Variants in OXR1 observed in about 807,000 individuals in gnomAD.
OXR1 encodes oxidation resistance 1, also known as oxidation resistance protein 1.
Under a neutral mutation model 104.6 loss-of-function variants are expected in OXR1, and 41 were observed. That is an observed-to-expected ratio of 0.39 (90% CI 0.31 to 0.51). OXR1 has a LOEUF of 0.51. Among genes scored for constraint, OXR1 ranks in the 20% least tolerant of loss-of-function variants. The probability of loss-of-function intolerance (pLI) is 0.77; values close to 1 mark genes in which losing one functional copy is unlikely to be tolerated. For synonymous variants in OXR1, 348 were observed against 348.4 expected, an observed-to-expected ratio of 1.00 and a Z score of 0.01; for missense variants, 955 against 1,031.9, an observed-to-expected ratio of 0.93 and a Z score of 1.02.
chr8:106,278,959 A>G lies in OXR1; in HGVS notation c.-139+8592A>G, dbSNP rs974307205. On this transcript the variant is annotated intron_variant, in intron 1 of 16. Coordinates refer to ENST00000517566, the MANE Select transcript of OXR1 (RefSeq NM_001198533.2). ...TTGGTTTTTCCATATGTAGTTTCCAACATGGGAGGTGGGGGAGATACTTTA... is the reference window on the plus strand; with the variant it reads ...TTGGTTTTTCCATATGTAGTTTCCAGCATGGGAGGTGGGGGAGATACTTTA... Among the ~76,000 whole-genome samples, 5 of 152,150 alleles carry G rather than the reference A, an allele frequency of 3.3e-5. No homozygotes were observed. The South Asian group carries it at 8.3e-4, about 25-fold the overall frequency.
intron 2 of OXR1, among the ~76,000 whole-genome samples, chr8:106,424,205 C>T (rs1432368885): frequency 4.6e-5 from 7 of 151,812 alleles, no homozygotes; most frequent in Non-Finnish European, 8.8e-5. Context: ...CCCAAACTGC[C>T]GGGATTACAA....
chr8:106,494,111 A>T (rs1811270682), intron 2 of OXR1, among the ~76,000 whole-genome samples: 1 of 152,192 alleles, frequency 6.6e-6, no homozygotes, highest in African/African-American at 2.4e-5. Context: ...AGATGAGTCA[A>T]CCGAGGACAG....
At chr8:106,335,634 A>C (rs564325416) in intron 1 of OXR1, among the ~76,000 whole-genome samples, 1 of 152,266 alleles carries the variant, frequency 6.6e-6, no homozygotes, top group East Asian at 1.9e-4. Context: ...AAATAAAAAA[A>C]ATTTTGATTT....
intron 1 of OXR1, chr8:106,272,778 T>C (rs1012135195): frequency 1.3e-5 from 2 of 152,244 alleles, no homozygotes; most frequent in Non-Finnish European, 2.9e-5. Context: ...GCTGTCATTA[T>C]TGGCTTTTAT....
chr8:106,488,620 C>A (rs902990640), intron 2 of OXR1, among the ~76,000 whole-genome samples: 1 of 150,372 alleles, frequency 6.7e-6, no homozygotes, highest in African/African-American at 2.5e-5. Flanking sequence ...AGGAAGGGAT[C>A]CAGTTTCAGC....
At chr8:106,657,867 C>T (rs1477278629) in intron 3 of OXR1, 3 of 1,241,302 alleles carry the variant, frequency 2.4e-6, no homozygotes, top group African/African-American at 1.6e-5. Flanking sequence ...TCTTGTGAGG[C>T]GCGCGGAGCC....
intron 1 of OXR1, among the ~76,000 whole-genome samples, chr8:106,315,425 C>G (rs979087920): frequency 2.0e-5 from 3 of 152,026 alleles, no homozygotes; most frequent in African/African-American, 4.8e-5. Flanking sequence ...ATAAAATATC[C>G]TAGACCTTCT....
intron 2 of OXR1, among the ~76,000 whole-genome samples, chr8:106,481,556 G>A (rs758218857): frequency 1.3e-5 from 2 of 152,018 alleles, no homozygotes; most frequent in African/African-American, 2.4e-5. Context: ...AAAAGATGAA[G>A]CATCTTTAAG....
intron 1 of OXR1, among the ~76,000 whole-genome samples, chr8:106,286,245 A>C (rs770902319): frequency 6.6e-6 from 1 of 152,014 alleles, no homozygotes; most frequent in South Asian, 2.1e-4. Context: ...TAGTCAAAAC[A>C]AAACAAAAAG....
chr8:106,338,068 G>A (rs1815036580), intron 1 of OXR1, among the ~76,000 whole-genome samples: 1 of 152,068 alleles, frequency 6.6e-6, no homozygotes, highest in Admixed American at 6.6e-5. Context: ...AATTATAGGA[G>A]GCCATTGTTT....
intron 3 of OXR1, among the ~76,000 whole-genome samples, chr8:106,678,226 C>T (rs1310394216): frequency 1.3e-5 from 2 of 151,950 alleles, no homozygotes; most frequent in African/African-American, 4.8e-5. Context: ...ATTCACCCGA[C>T]AGCTGAGATG....
At chr8:106,392,422 G>A (rs1817620798) in intron 2 of OXR1, among the ~76,000 whole-genome samples, 1 of 152,146 alleles carries the variant, frequency 6.6e-6, no homozygotes. Context: ...TAAAATTTAA[G>A]TTAGGTTGGT....
chr8:106,684,219 A>C (rs991811203), intron 5 of OXR1, 27 bp from the exon 6 acceptor site: 1 of 1,142,960 alleles, frequency 8.7e-7, no homozygotes, highest in African/African-American at 1.5e-5. Context: ...ATTTTAACTA[A>C]ATCTTTGTGT....
At chr8:106,405,176 ATATATATATATATATATATATATATAGT>A (rs1282821239) in intron 2 of OXR1, among the ~76,000 whole-genome samples, 841 of 31,698 alleles carry the variant, frequency 0.027, 1 homozygote, top group Admixed American at 0.04. Context: ...ATATATATAT[ATATATATATATATATATATATATATAGT>A]GTGTGTGTGT....
intron 2 of OXR1, among the ~76,000 whole-genome samples, chr8:106,387,174 G>A (rs979693135): frequency 1.1e-4 from 16 of 152,156 alleles, no homozygotes; most frequent in African/African-American, 3.9e-4. Context: ...TAAGAATACA[G>A]ACATGTTAAA....
chr8:106,653,077 A>ATATAT lies in OXR1; in HGVS notation c.221-26133_221-26132insTATAT, dbSNP rs1234539741. Among the ~76,000 whole-genome samples, 16 of 110,956 alleles carry ATATAT rather than the reference A, an allele frequency of 1.4e-4. No individual in the cohort carries two copies. The East Asian group carries it at 4.0e-3, about 27-fold the overall frequency. 72.8% of individuals were successfully genotyped at this position (110,956 alleles called of 152,430 possible). ...ACTGACACAAGGAGAAATAGAAAAA[A>ATATAT]AAAAAAATATATATATATATATGGT... On this transcript the variant is annotated intron_variant, in intron 3 of 16. Transcript: ENST00000517566.
chr8:106,688,463 A>G (rs1421028831), intron 6 of OXR1, among the ~76,000 whole-genome samples: 1 of 152,106 alleles, frequency 6.6e-6, no homozygotes, highest in Non-Finnish European at 1.5e-5. Context: ...AAGGCCTAGG[A>G]AGTCCTAAAG....
intron 1 of OXR1, among the ~76,000 whole-genome samples, chr8:106,277,765 C>T (rs202140045): frequency 6.6e-6 from 1 of 152,220 alleles, no homozygotes; most frequent in East Asian, 1.9e-4. Context: ...TTCATGTTCC[C>T]AGGTTCAAAC....
chr8:106,309,811 A>G (rs866915071), intron 1 of OXR1, among the ~76,000 whole-genome samples: 103 of 151,108 alleles, frequency 6.8e-4, no homozygotes, highest in Non-Finnish European at 7.4e-4. Flanking sequence ...ATATGTATAT[A>G]CACATATATA....
Sources: allele counts gnomAD v4.1 joint callset (sites outside exome capture counted in the v4.1 genomes callset), GRCh38; gene constraint gnomAD v4.1.1; transcripts MANE v1.5; gene names NCBI Gene and HGNC (gene_info 2026-07-23, HGNC 2026-07-21).